Variants in ASTN1 observed in about 807,000 individuals in gnomAD.
ASTN1 encodes astrotactin 1, also known as astrotactin-1.
ASTN1 carries 41 observed loss-of-function variants against 140.7 expected under a neutral mutation model. The observed-to-expected ratio is 0.29, with a 90% CI of 0.23 to 0.38. The LOEUF (loss-of-function observed/expected upper bound fraction) is 0.38. Ranked by LOEUF, ASTN1 falls within the 10% of genes least tolerant of loss-of-function variation. The pLI, the probability that ASTN1 is intolerant of heterozygous loss-of-function variation, is 1.00. For missense variants in ASTN1, 1,479 were observed against 1,678.8 expected, an observed-to-expected ratio of 0.88 and a Z score of 2.08; for synonymous variants, 640 against 652.2, an observed-to-expected ratio of 0.98 and a Z score of 0.29.
chr1:176,979,831 A>T (rs529566644), intron 8 of ASTN1, among the ~76,000 whole-genome samples: 239 of 152,224 alleles, frequency 1.6e-3, no homozygotes, highest in Non-Finnish European at 2.4e-3. Context: ...TGTGTATGAG[A>T]GTTTGTGTGT....
At chr1:177,060,108 A>G (rs1254178687) in intron 2 of ASTN1, among the ~76,000 whole-genome samples, 1 of 152,200 alleles carries the variant, frequency 6.6e-6, no homozygotes, top group African/African-American at 2.4e-5. Context: ...GGCACTGGGG[A>G]CACATCAGTA....
chr1:177,064,080 G>A (rs1678229959), intron 1 of ASTN1, among the ~76,000 whole-genome samples: 1 of 152,092 alleles, frequency 6.6e-6, no homozygotes, highest in Non-Finnish European at 1.5e-5. Context: ...GCAAGGCAAG[G>A]TTCTTAGACC....
intron 7 of ASTN1, among the ~76,000 whole-genome samples, chr1:177,015,434 A>G (rs1007907693): frequency 5.3e-5 from 8 of 152,160 alleles, no homozygotes; most frequent in African/African-American, 1.9e-4. Flanking sequence ...TTCTCCCACC[A>G]TGCCAGGCTG....
At chr1:177,121,832 T>G (rs1681403550) in intron 1 of ASTN1, among the ~76,000 whole-genome samples, 1 of 151,726 alleles carries the variant, frequency 6.6e-6, no homozygotes, top group African/African-American at 2.4e-5. Flanking sequence ...ATCAGGGAGG[T>G]GGGTAACATG....
chr1:176,975,392 G>C (rs1673322090), intron 8 of ASTN1, among the ~76,000 whole-genome samples: 1 of 152,218 alleles, frequency 6.6e-6, no homozygotes, highest in Non-Finnish European at 1.5e-5. Context: ...ACTATCCTGG[G>C]ATTTCTCCCA....
intron 8 of ASTN1, among the ~76,000 whole-genome samples, chr1:177,013,722 T>C (rs2101937765): frequency 6.6e-6 from 1 of 152,332 alleles, no homozygotes; most frequent in Non-Finnish European, 1.5e-5. Flanking sequence ...GCAACCATTC[T>C]GAGATGGCTT....
At chr1:176,999,092 G>A (rs76511057) in intron 8 of ASTN1, among the ~76,000 whole-genome samples, 3 of 152,072 alleles carry the variant, frequency 2.0e-5, no homozygotes, top group Admixed American at 1.3e-4. Context: ...ACTATTGAGG[G>A]TCCTGCCATC....
chr1:176,992,461 G>T lies in ASTN1; in HGVS notation c.1523+22330C>A, dbSNP rs1674231811. 2.0e-5 allele frequency among the ~76,000 whole-genome samples: 3 copies of T among 151,700 alleles called. No homozygotes were observed. The South Asian group carries it at 6.2e-4, about 32-fold the overall frequency. ...CGTTGTAAAAAAAAATGAGTTGAGA[G>T]ACAATGAGAATTCTGCTTCTAAACT... is the stretch of plus-strand genomic sequence containing the variant. On this transcript the variant is annotated intron_variant, in intron 8 of 22. Coordinates refer to ENST00000361833, the MANE Select transcript of ASTN1 (RefSeq NM_004319.3).
rs117989867 is a variant in ASTN1 at position 176,902,232 on chromosome 1, C to T, written c.2672-7402G>A. On this transcript the variant is annotated intron_variant, in intron 16 of 22. Coordinates refer to ENST00000361833, the MANE Select transcript of ASTN1 (RefSeq NM_004319.3). Reference sequence around the variant, plus strand: ...TTACGTTCCCTCCAATCCCTGTTGACGTTTTTCTTTTCTAAAAATGCAGTT... The same window carrying T: ...TTACGTTCCCTCCAATCCCTGTTGATGTTTTTCTTTTCTAAAAATGCAGTT... Among the ~76,000 whole-genome samples, 158 of 152,284 alleles carry T rather than the reference C, an allele frequency of 1.0e-3. 4 individuals carry two copies. The East Asian group carries it at 0.03, about 29-fold the overall frequency.
chr1:176,873,443 T>C (rs2103016843), intron 21 of ASTN1, among the ~76,000 whole-genome samples: 1 of 152,318 alleles, frequency 6.6e-6, no homozygotes, highest in South Asian at 2.1e-4. Flanking sequence ...AGAAAGTATC[T>C]AGTTTAGGAT....
chr1:177,138,477 G>A lies in ASTN1; in HGVS notation c.283+25917C>T, dbSNP rs187594683. On this transcript the variant is annotated intron_variant, in intron 1 of 22. Transcript: ENST00000361833. ...CATTGAGGAATCTCTGGTTGCCGAG[G>A]AGTGGAAGGAAAAGGGAAAGCACAG... Among the ~76,000 whole-genome samples the A allele has an allele frequency of 1.4e-4, 22 of 152,302 alleles. No individual in the cohort carries two copies. The East Asian group carries it at 2.7e-3, about 19-fold the overall frequency.
rs1647595385 is a variant in ASTN1, at chr1:177,164,504, C to A, written c.173G>T (p.Ser58Ile). 1 of 1,613,810 alleles carries A rather than the reference C, an allele frequency of 6.2e-7. No individual in the cohort carries two copies. Among genetic ancestry groups the A allele is most frequent in the South Asian group, 1.1e-5 (1 of 91,072 alleles). Reference sequence around the variant, plus strand: ...GAGCTTGGGCTCCGAGGCCGAGGGGCTGTGCATGATGCTCAGGTCGTTCTC... The same window carrying A: ...GAGCTTGGGCTCCGAGGCCGAGGGGATGTGCATGATGCTCAGGTCGTTCTC... ...LRENDLSIMH[S>I]PSASEPKLLF... Residue 58 changes from serine (S) to isoleucine (I), a missense_variant, in exon 1 of 23, where the codon AGC becomes ATC. By Grantham distance (142) the Ser-to-Ile change is moderately radical (BLOSUM62 -2). This residue lies in a region of ASTN1 where 729 missense variants were observed against 860.4 expected (regional missense o/e 0.85). Transcript: ENST00000361833.
At chr1:176,987,394 G>A (rs1673955432) in intron 8 of ASTN1, among the ~76,000 whole-genome samples, 1 of 152,182 alleles carries the variant, frequency 6.6e-6, no homozygotes, top group Admixed American at 6.5e-5. Flanking sequence ...GAGGGCAGTA[G>A]TTAGCAGAAC....
At chr1:176,958,782 T>G (rs967951297) in intron 9 of ASTN1, among the ~76,000 whole-genome samples, 5 of 152,196 alleles carry the variant, frequency 3.3e-5, no homozygotes, top group African/African-American at 1.2e-4. Context: ...GGGCTTCCCC[T>G]GTCTTGAGTC....
intron 1 of ASTN1, among the ~76,000 whole-genome samples, chr1:177,105,500 G>A (rs1680506449): frequency 6.6e-6 from 1 of 152,042 alleles, no homozygotes. Flanking sequence ...CCAGATAGAT[G>A]CTTATGAAGC....
intron 11 of ASTN1, among the ~76,000 whole-genome samples, chr1:176,955,151 C>T (rs1016959153): frequency 4.6e-5 from 7 of 152,132 alleles, no homozygotes; most frequent in African/African-American, 1.7e-4. Context: ...TCTTGGGAAG[C>T]CTTTCAGTTC....
At chr1:176,936,769 T>C (rs2103096065) in intron 14 of ASTN1, among the ~76,000 whole-genome samples, 1 of 152,312 alleles carries the variant, frequency 6.6e-6, no homozygotes, top group Non-Finnish European at 1.5e-5. Flanking sequence ...ACCTGGCAAA[T>C]AGGTTTTTGG....
chr1:177,155,392 T>C (rs949389389), intron 1 of ASTN1, among the ~76,000 whole-genome samples: 45 of 150,424 alleles, frequency 3.0e-4, no homozygotes, highest in African/African-American at 1.1e-3. Context: ...GATTGAGTGA[T>C]CCCAGGATGA....
At chr1:177,034,131 A>G (rs742122) in intron 2 of ASTN1, among the ~76,000 whole-genome samples, 26,656 of 152,020 alleles carry the variant, frequency 0.18, 2,476 homozygotes, top group East Asian at 0.26. Flanking sequence ...CTCCAAATAC[A>G]TTAAAGGGGG....
Sources: allele counts gnomAD v4.1 joint callset (sites outside exome capture counted in the v4.1 genomes callset), GRCh38; gene constraint gnomAD v4.1.1; regional missense constraint gnomAD v4.1.1; transcripts MANE v1.5; gene names NCBI Gene and HGNC (gene_info 2026-07-23, HGNC 2026-07-21).